The following POC1A variants were observed in gnomAD, a reference collection of about 807,000 sequenced individuals.
The protein encoded by POC1A is POC1 centriolar protein homolog A.
POC1A carries 34 observed loss-of-function variants against 47.8 expected under a neutral mutation model. The ratio of observed to expected loss-of-function variants is 0.71; its 90% CI spans 0.54 to 0.95. The LOEUF (loss-of-function observed/expected upper bound fraction) is 0.95. POC1A is among the 40% of genes least tolerant of loss of function. The pLI is 0.00. For missense variants in POC1A, 466 were observed against 528.3 expected, an observed-to-expected ratio of 0.88 and a Z score of 1.16; for synonymous variants, 177 against 207.6, an observed-to-expected ratio of 0.85 and a Z score of 1.27.
rs191807166 is a variant in POC1A, at chr3:52,084,302, G to A, written c.1126-8317C>T. On this transcript the variant is annotated intron_variant, in intron 10 of 10. Coordinates refer to ENST00000296484, the MANE Select transcript of POC1A (RefSeq NM_015426.5). The surrounding 1 kb of genome is among the most constrained non-coding windows in gnomAD (Gnocchi z 4.3). ...GACCATTGTTGTCACCACCTTTGCT[G>A]AAGGCTTCCCTCATGCACTCATGGG... Among the ~76,000 whole-genome samples, 1 of 152,322 alleles carries A rather than the reference G, an allele frequency of 6.6e-6. No individual in the cohort carries two copies. The highest frequency in any genetic ancestry group is 1.5e-5 in the Non-Finnish European group (1 of 68,030).
intron 9 of POC1A, among the ~76,000 whole-genome samples, chr3:52,114,190 T>C (rs925910639): frequency 6.6e-6 from 1 of 152,220 alleles, no homozygotes; most frequent in African/African-American, 2.4e-5. Context: ...ACCTTCCACC[T>C]TCCTAGTGGG....
At chr3:52,089,767 A>G (rs1325238890) in intron 10 of POC1A, among the ~76,000 whole-genome samples, 2 of 152,256 alleles carry the variant, frequency 1.3e-5, no homozygotes, top group South Asian at 2.1e-4. Flanking sequence ...GGAAAACTGT[A>G]TAACTATAAA....
intron 9 of POC1A, among the ~76,000 whole-genome samples, chr3:52,114,266 G>T (rs1025840422): frequency 6.6e-6 from 1 of 152,224 alleles, no homozygotes; most frequent in Non-Finnish European, 1.5e-5. Context: ...CCAGGAAGGT[G>T]CCTAGCCAGA....
In POC1A at chr3:52,125,199, A is replaced by G. The variant is rs1286899029; in HGVS notation, c.814-18T>C. The stretch of plus-strand genomic sequence containing the variant: ...GCTGGTCCCTGGCAGAACAAACAAA[A>G]AATAACACACATCAAAGGTCATTCT... On this transcript the variant is annotated intron_variant, in intron 7 of 10. Transcript: ENST00000296484. 6.3e-7 allele frequency: 1 copy of G among 1,598,516 alleles called. No homozygotes were observed. The highest frequency in any genetic ancestry group is 8.6e-7 in the Non-Finnish European group (1 of 1,166,962).
intron 7 of POC1A, among the ~76,000 whole-genome samples, chr3:52,127,789 G>C (rs951446462): frequency 4.6e-5 from 7 of 151,658 alleles, no homozygotes; most frequent in African/African-American, 1.7e-4. Flanking sequence ...TCTGCCTCCT[G>C]GGTTCAAGCG....
intron 3 of POC1A, 127 bp downstream of exon 3, chr3:52,149,689 C>G: frequency 1.1e-6 from 1 of 916,956 alleles, no homozygotes; most frequent in Non-Finnish European, 1.7e-6. Context: ...TCTGATGGCA[C>G]CTCTTCCAAA....
At chr3:52,127,810 C>T (rs965430456) in intron 7 of POC1A, among the ~76,000 whole-genome samples, 6 of 152,140 alleles carry the variant, frequency 3.9e-5, no homozygotes, top group African/African-American at 1.4e-4. Context: ...ATTCCTGTGC[C>T]TCAGCCTCCC....
At position 52,090,739 on chromosome 3, in the gene POC1A, G is replaced by A. The variant is rs899542988; in HGVS notation, c.1125+5830C>T. On this transcript the variant is annotated intron_variant, in intron 10 of 10. Coordinates refer to ENST00000296484, the MANE Select transcript of POC1A (RefSeq NM_015426.5). This position sits in a 1 kb window ranked among gnomAD's most constrained non-coding sequence, Gnocchi z 4.2. ...GAGCACAAGGGGAAACAGTACCAGG[G>A]TCAGGCCCAGGGCCTCTGCTTGCAC... is the stretch of plus-strand genomic sequence containing the variant. Among the ~76,000 whole-genome samples, 1 of 152,154 alleles carries A rather than the reference G, an allele frequency of 6.6e-6. No individual in the cohort carries two copies. Among genetic ancestry groups the A allele is most frequent in the Non-Finnish European group, 1.5e-5 (1 of 68,002 alleles).
chr3:52,111,897 C>T (rs1311053888), intron 9 of POC1A, among the ~76,000 whole-genome samples: 1 of 152,122 alleles, frequency 6.6e-6, no homozygotes, highest in East Asian at 1.9e-4. Flanking sequence ...ACACAGGAGA[C>T]AGGTGGCCTG....
intron 10 of POC1A, among the ~76,000 whole-genome samples, chr3:52,080,591 T>A (rs536946858): frequency 6.6e-6 from 1 of 152,180 alleles, no homozygotes; most frequent in Non-Finnish European, 1.5e-5. Context: ...ATTACAAAGG[T>A]CATAAGGATA....
At chr3:52,149,776 C>T (rs768190812) in intron 3 of POC1A, 40 bp downstream of exon 3, 6 of 1,579,212 alleles carry the variant, frequency 3.8e-6, no homozygotes, top group Non-Finnish European at 4.3e-6. Context: ...GGCACCAGGG[C>T]CCCAGACTCC....
At position 52,142,492 on chromosome 3, in the gene POC1A, C is replaced by A. The variant is rs552807209; in HGVS notation, c.679+3354G>T. Among the ~76,000 whole-genome samples the A allele has an allele frequency of 6.6e-5, 10 of 152,350 alleles. No homozygotes were observed. The South Asian group carries it at 2.1e-3, about 32-fold the overall frequency. ...CCAAGTGGGCTTCAACTCCAACAAC[C>A]CTAGCAGGAACAGGAAGTGCCCTCA... On this transcript the variant is annotated intron_variant, in intron 6 of 10. Coordinates refer to ENST00000296484, the MANE Select transcript of POC1A (RefSeq NM_015426.5).
At chr3:52,118,900 T>C (rs1703667129) in intron 9 of POC1A, among the ~76,000 whole-genome samples, 1 of 152,054 alleles carries the variant, frequency 6.6e-6, no homozygotes, top group African/African-American at 2.4e-5. Flanking sequence ...ACCAAACCAC[T>C]GACCAGATAT....
chr3:52,150,035 A>G (rs774255098), intron 2 of POC1A, 48 bp from the exon 3 acceptor site: 119 of 1,534,688 alleles, frequency 7.8e-5, no homozygotes, highest in Non-Finnish European at 9.6e-5. Context: ...ACAGGCTTCA[A>G]GCCTCCACCA....
chr3:52,152,382 C>T (rs2107217240), intron 1 of POC1A, among the ~76,000 whole-genome samples: 1 of 152,180 alleles, frequency 6.6e-6, no homozygotes, highest in African/African-American at 2.4e-5. Flanking sequence ...TCAGCCTGGC[C>T]AACATGGTGA....
intron 7 of POC1A, among the ~76,000 whole-genome samples, chr3:52,126,851 G>A (rs574158715): frequency 6.6e-5 from 10 of 152,090 alleles, no homozygotes; most frequent in Non-Finnish European, 1.5e-5. Flanking sequence ...CATATATATG[G>A]GCATGGCCTC....
intron 10 of POC1A, among the ~76,000 whole-genome samples, chr3:52,091,475 T>A (rs1702644802): frequency 6.6e-6 from 1 of 152,216 alleles, no homozygotes; most frequent in Non-Finnish European, 1.5e-5. Flanking sequence ...GTTGCCTAGG[T>A]CCAGGTGGAA....
intron 9 of POC1A, among the ~76,000 whole-genome samples, chr3:52,101,558 G>C (rs1225230508): frequency 1.3e-5 from 2 of 152,152 alleles, no homozygotes; most frequent in Non-Finnish European, 2.9e-5. Flanking sequence ...TCAGCAGAAA[G>C]GCAGAAATTA....
At position 52,075,819 on chromosome 3, in the gene POC1A, G is replaced by T; in HGVS notation, c.*68C>A. The T allele has an allele frequency of 1.7e-6, 2 of 1,143,808 alleles. No individual in the cohort carries two copies. Among genetic ancestry groups the T allele is most frequent in the Non-Finnish European group, 2.6e-6 (2 of 755,290 alleles). The allele number at this position is 1,143,808 out of a possible 1,614,324, so 70.9% of individuals were successfully genotyped here. ...AGTTCAGTCCCCTTTATTTACCCAA[G>T]TCCCATGGTACAAATCCCTGGCCTG... On this transcript the variant is annotated 3_prime_UTR_variant, in exon 11 of 11. Transcript: ENST00000296484.
Sources: gnomAD v4.1 joint callset for allele counts (sites outside exome capture counted in the v4.1 genomes callset) on GRCh38, gnomAD v4.1.1 for gene constraint, Gnocchi (gnomAD v3.1) non-coding constraint, MANE v1.5 for transcripts, NCBI Gene and HGNC (gene_info 2026-07-23, HGNC 2026-07-21) for gene names.